Variants in COL5A1 observed in about 807,000 individuals in gnomAD.
COL5A1 encodes the protein collagen alpha-1(V) chain.
COL5A1 carries 16 observed loss-of-function variants against 263.7 expected under a neutral mutation model. That is an observed-to-expected ratio of 0.06 (90% confidence interval 0.04 to 0.09). The LOEUF (loss-of-function observed/expected upper bound fraction) is 0.09. COL5A1 is among the 10% of genes least tolerant of loss of function. The pLI is 1.00. For missense variants in COL5A1, 2,036 were observed against 2,540.5 expected (o/e 0.80, Z 4.27); for synonymous variants, 1,012 against 1,004.5 (o/e 1.01, Z -0.14).
At chr9:134,760,152 C>T (rs1462725287) in intron 18 of COL5A1, among the ~76,000 whole-genome samples, 12 of 134,390 alleles carry the variant, frequency 8.9e-5, no homozygotes, top group Admixed American at 3.0e-4. Flanking sequence ...GCAGACACCA[C>T]ACATGCACAC....
At chr9:134,731,799 A>G in intron 8 of COL5A1, 136 bp downstream of exon 8, 3 of 1,034,578 alleles carry the variant, frequency 2.9e-6, no homozygotes, top group Non-Finnish European at 4.2e-6. Context: ...CCAAAACTTT[A>G]TTTTTAAAGA....
chr9:134,777,993 TGCAA>T (rs1369836156), intron 27 of COL5A1, among the ~76,000 whole-genome samples: 3 of 152,196 alleles, frequency 2.0e-5, no homozygotes, highest in African/African-American at 7.2e-5. Flanking sequence ...TCTTCTATTT[TGCAA>T]GTATGGTGAG....
chr9:134,823,653 C>G (rs970883455), intron 61 of COL5A1, among the ~76,000 whole-genome samples, 184 bp downstream of exon 61: 1 of 152,230 alleles, frequency 6.6e-6, no homozygotes, highest in Non-Finnish European at 1.5e-5. Flanking sequence ...AGGAAGCTTA[C>G]AGGCCAATTG....
At chr9:134,673,446 C>T (rs1588424941) in intron 1 of COL5A1, among the ~76,000 whole-genome samples, 2 of 139,342 alleles carry the variant, frequency 1.4e-5, no homozygotes, top group Admixed American at 7.6e-5. Flanking sequence ...GGCAATATGG[C>T]GAGACTCCAT....
At chr9:134,673,122 T>C (rs949335411) in intron 1 of COL5A1, among the ~76,000 whole-genome samples, 11 of 152,232 alleles carry the variant, frequency 7.2e-5, no homozygotes, top group African/African-American at 2.7e-4. Context: ...TCAATGTCAA[T>C]TAAAATCCCA....
chr9:134,688,692 C>T (rs949906705), intron 1 of COL5A1, among the ~76,000 whole-genome samples: 4 of 152,206 alleles, frequency 2.6e-5, no homozygotes, highest in Non-Finnish European at 5.9e-5. Flanking sequence ...CGCCCCTCCC[C>T]TTTGTCACTG....
chr9:134,761,234 ATAC>A (rs1052470501), intron 18 of COL5A1, among the ~76,000 whole-genome samples: 2 of 139,396 alleles, frequency 1.4e-5, no homozygotes, highest in African/African-American at 5.6e-5. Flanking sequence ...CACACCCCAC[ATAC>A]CCCCACACAC....
intron 37 of COL5A1, among the ~76,000 whole-genome samples, chr9:134,801,744 G>T (rs921360431): frequency 5.3e-5 from 8 of 151,214 alleles, no homozygotes; most frequent in African/African-American, 2.0e-4. Context: ...CCAAGATCGA[G>T]CCACTGCACT....
chr9:134,796,520 T>C, intron 35 of COL5A1, 102 bp downstream of exon 35: 2 of 1,223,962 alleles, frequency 1.6e-6, no homozygotes, highest in South Asian at 2.4e-5. Flanking sequence ...GAGGCACGCC[T>C]CAGACCCTGC....
intron 4 of COL5A1, among the ~76,000 whole-genome samples, chr9:134,724,042 A>C (rs1588472665): frequency 6.7e-6 from 1 of 149,170 alleles, no homozygotes; most frequent in Admixed American, 6.7e-5. Context: ...GCCTCGCACC[A>C]CTCCCTCCCC....
intron 34 of COL5A1, among the ~76,000 whole-genome samples, chr9:134,795,958 G>A (rs1302247666): frequency 1.3e-5 from 2 of 152,216 alleles, no homozygotes; most frequent in Non-Finnish European, 2.9e-5. Context: ...GACAAGCTCT[G>A]GGGCACTTCT....
At position 134,824,780 on chromosome 9, in the gene COL5A1, C is replaced by G; in HGVS notation, c.4879C>G (p.Arg1627Gly). ...GAAGCTGGAGATTGAGCAGATGAAA[C>G]GGCCCCTGGGCACGCAGCAGAACCC... is the stretch of plus-strand genomic sequence containing the variant. ...SLKLEIEQMK[R>G]PLGTQQNPAR... The change falls in exon 62 of 66, where the codon CGG (arginine) becomes GGG (glycine). Residue 1627 changes from arginine to glycine, a missense_variant. Coordinates refer to ENST00000371817, the MANE Select transcript of COL5A1 (RefSeq NM_000093.5). 1 of 1,614,154 alleles carries G rather than the reference C, an allele frequency of 6.2e-7. No individual in the cohort carries two copies. The highest frequency in any genetic ancestry group is 8.5e-7 in the Non-Finnish European group (1 of 1,180,052).
At chr9:134,760,650 TGCAC>T (rs1185643253) in intron 18 of COL5A1, among the ~76,000 whole-genome samples, 2 of 45,666 alleles carry the variant, frequency 4.4e-5, no homozygotes, top group Non-Finnish European at 7.2e-5. Context: ...CATACACTCA[TGCAC>T]ACACACACAC....
chr9:134,786,138 C>A, intron 31 of COL5A1, 90 bp downstream of exon 31: 2 of 1,207,090 alleles, frequency 1.7e-6, no homozygotes, highest in Non-Finnish European at 2.4e-6. Flanking sequence ...GTTAGGTGTC[C>A]CGGCACAGGT....
rs4240707 is a variant in COL5A1 at position 134,798,472 on chromosome 9, A to T, written c.2952+11A>T. 813,192 of 1,612,640 alleles carry T rather than the reference A, an allele frequency of 0.5. 207,812 individuals are homozygous for T. Among genetic ancestry groups the T allele is most frequent in the East Asian group, 0.76 (34,301 of 44,852 alleles). On this transcript the variant is annotated intron_variant, in intron 37 of 65. Coordinates refer to ENST00000371817, the MANE Select transcript of COL5A1 (RefSeq NM_000093.5). Reference sequence around the variant, plus strand: ...CAGAGAGGCGAGACTGTGAGTATCGAGGGTGCTGGGGGACGTGGCTGGCTG... The same window carrying T: ...CAGAGAGGCGAGACTGTGAGTATCGTGGGTGCTGGGGGACGTGGCTGGCTG...
At chr9:134,660,409 A>T (rs866618821) in intron 1 of COL5A1, among the ~76,000 whole-genome samples, 1 of 152,214 alleles carries the variant, frequency 6.6e-6, no homozygotes, top group Admixed American at 6.5e-5. Flanking sequence ...GGAAGTTTCA[A>T]TTTATTAGAA....
intron 11 of COL5A1, among the ~76,000 whole-genome samples, chr9:134,747,996 CACAT>C (rs1376085731): frequency 7.4e-5 from 9 of 122,222 alleles, no homozygotes; most frequent in African/African-American, 2.0e-4. Flanking sequence ...CATTCACACA[CACAT>C]ACACATGCAT....
At chr9:134,819,163 C>T in intron 57 of COL5A1, 110 bp downstream of exon 57, 1 of 1,187,040 alleles carries the variant, frequency 8.4e-7, no homozygotes, top group Non-Finnish European at 1.2e-6. Context: ...GTGTCAAGCA[C>T]CTGCTGCAGG....
intron 25 of COL5A1, among the ~76,000 whole-genome samples, chr9:134,770,910 G>T (rs1284760124): frequency 1.3e-5 from 2 of 152,206 alleles, no homozygotes; most frequent in Non-Finnish European, 2.9e-5. Flanking sequence ...AGGGAGCTTT[G>T]TGCTTCCCCC....
Sources: allele counts gnomAD v4.1 joint callset (sites outside exome capture counted in the v4.1 genomes callset), GRCh38; gene constraint gnomAD v4.1.1; transcripts MANE v1.5; gene names NCBI Gene and HGNC (gene_info 2026-07-23, HGNC 2026-07-21).